Variants in ZBTB7C observed in about 807,000 individuals in gnomAD.
ZBTB7C encodes the protein zinc finger and BTB domain containing 7C, also known as zinc finger and BTB domain-containing protein 7C.
In ZBTB7C, 8 loss-of-function variants were observed where a neutral mutation model predicts 25.7. That is an observed-to-expected ratio of 0.31 (90% confidence interval 0.18 to 0.56). The LOEUF (loss-of-function observed/expected upper bound fraction) is 0.56, where lower values mean the gene tolerates loss of function less well. Ranked by LOEUF, ZBTB7C falls within the 20% of genes least tolerant of loss-of-function variation. ZBTB7C has a pLI of 0.91. For missense variants in ZBTB7C, 824 were observed against 855.2 expected, an observed-to-expected ratio of 0.96 and a Z score of 0.46; for synonymous variants, 394 against 369.0, an observed-to-expected ratio of 1.07 and a Z score of -0.78.
intron 2 of ZBTB7C, among the ~76,000 whole-genome samples, chr18:48,239,216 G>C (rs571269408): frequency 6.6e-6 from 1 of 152,218 alleles, no homozygotes; most frequent in East Asian, 1.9e-4. Context: ...TCCTCCACTT[G>C]ATGGTCTTTC....
chr18:48,052,538 G>A (rs764633493), intron 3 of ZBTB7C, among the ~76,000 whole-genome samples: 11 of 152,156 alleles, frequency 7.2e-5, no homozygotes, highest in Non-Finnish European at 1.5e-4. Context: ...TGAGTCCATT[G>A]CTGCTGGCCC....
intron 2 of ZBTB7C, among the ~76,000 whole-genome samples, chr18:48,209,590 C>CA (rs2042655707): frequency 6.6e-6 from 1 of 151,916 alleles, no homozygotes; most frequent in African/African-American, 2.4e-5. Flanking sequence ...CACATCTCTA[C>CA]AAAAAATAAA....
At position 48,238,654 on chromosome 18, in the gene ZBTB7C, A is replaced by G. The variant is rs573889617; in HGVS notation, c.-78-52659T>C. ...CTGGTCCCCAGGGAAGCCATTTCTG[A>G]CTTTATCTTACAGGGTTCCTTGGGG... On this transcript the variant is annotated intron_variant, in intron 2 of 4. Transcript: ENST00000590800. 2.0e-5 allele frequency among the ~76,000 whole-genome samples: 3 copies of G among 151,574 alleles called. No homozygotes were observed. In the East Asian group the frequency reaches 5.8e-4, roughly 29 times the overall value.
chr18:48,205,607 C>T (rs944117599), intron 2 of ZBTB7C, among the ~76,000 whole-genome samples: 2 of 151,842 alleles, frequency 1.3e-5, no homozygotes, highest in East Asian at 3.9e-4. Context: ...TTCTTTAAGT[C>T]TTATATGTTT....
chr18:48,218,108 C>T (rs1238361923), intron 2 of ZBTB7C, among the ~76,000 whole-genome samples: 1 of 152,110 alleles, frequency 6.6e-6, no homozygotes, highest in Non-Finnish European at 1.5e-5. Context: ...AAGTCAACAC[C>T]GAACACCAGG....
chr18:48,270,334 T>C lies in ZBTB7C; in HGVS notation c.-79+67840A>G, dbSNP rs376041262. The stretch of plus-strand genomic sequence containing the variant: ...GTGCAGTGGTGCGATCTCAGCTCAC[T>C]GCAACCTCTGCCTCAGCCTCCCGAG... On this transcript the variant is annotated intron_variant, in intron 2 of 4. Transcript: ENST00000590800. Among the ~76,000 whole-genome samples, 20 of 143,168 alleles carry C rather than the reference T, an allele frequency of 1.4e-4. No homozygotes were observed. The East Asian group carries it at 4.0e-3, about 29-fold the overall frequency. 93.9% of individuals were successfully genotyped at this position (143,168 alleles called of 152,430 possible).
At chr18:48,148,688 C>T (rs889523988) in intron 3 of ZBTB7C, 8 of 152,146 alleles carry the variant, frequency 5.3e-5, no homozygotes, top group African/African-American at 1.2e-4. Flanking sequence ...AATCTGGTGA[C>T]GAATTCTTGC....
chr18:48,250,454 A>G (rs2043814743), intron 2 of ZBTB7C, among the ~76,000 whole-genome samples: 3 of 152,210 alleles, frequency 2.0e-5, no homozygotes, highest in Admixed American at 2.0e-4. Context: ...TGTCAAGTGA[A>G]GGGAACACTG....
intron 2 of ZBTB7C, among the ~76,000 whole-genome samples, chr18:48,287,910 C>G (rs2045105202): frequency 6.6e-6 from 1 of 152,148 alleles, no homozygotes; most frequent in Non-Finnish European, 1.5e-5. Flanking sequence ...AATGGAACTT[C>G]CCTGACTTGA....
chr18:48,387,182 G>A (rs1393806698), intron 1 of ZBTB7C, among the ~76,000 whole-genome samples: 1 of 152,230 alleles, frequency 6.6e-6, no homozygotes, highest in African/African-American at 2.4e-5. Flanking sequence ...ATGCAAAGAT[G>A]CAGAGACAAT....
At chr18:48,155,525 C>T (rs1463681938) in intron 3 of ZBTB7C, among the ~76,000 whole-genome samples, 6 of 149,364 alleles carry the variant, frequency 4.0e-5, no homozygotes, top group East Asian at 1.9e-4. Context: ...TTAGTAGAGA[C>T]GGGGTTTCAC....
chr18:48,205,650 T>C (rs184094819), intron 2 of ZBTB7C, among the ~76,000 whole-genome samples: 2 of 152,030 alleles, frequency 1.3e-5, no homozygotes, highest in Admixed American at 1.3e-4. Flanking sequence ...TAAAAGATCA[T>C]GCAAATGCGA....
At chr18:48,369,826 CAATT>C (rs2047344040) in intron 1 of ZBTB7C, among the ~76,000 whole-genome samples, 1 of 152,098 alleles carries the variant, frequency 6.6e-6, no homozygotes, top group Non-Finnish European at 1.5e-5. Flanking sequence ...ACTCTCACAA[CAATT>C]AATAAAACAA....
At chr18:48,055,325 G>A (rs551981897) in intron 3 of ZBTB7C, among the ~76,000 whole-genome samples, 6 of 149,832 alleles carry the variant, frequency 4.0e-5, no homozygotes, top group Non-Finnish European at 5.9e-5. Context: ...CAGGAGAATC[G>A]CTGGAACCCA....
intron 2 of ZBTB7C, among the ~76,000 whole-genome samples, chr18:48,271,024 A>T (rs537063306): frequency 2.0e-5 from 3 of 152,324 alleles, no homozygotes; most frequent in South Asian, 2.1e-4. Flanking sequence ...TATATGTATA[A>T]ATGATCATAA....
At chr18:48,193,683 T>A (rs1299256056) in intron 2 of ZBTB7C, among the ~76,000 whole-genome samples, 1 of 152,182 alleles carries the variant, frequency 6.6e-6, no homozygotes, top group Non-Finnish European at 1.5e-5. Context: ...CCCAGCAGGA[T>A]GGACACTCAC....
chr18:48,171,453 G>A lies in ZBTB7C; in HGVS notation c.-17+14481C>T, dbSNP rs1341895892. 2.0e-5 allele frequency among the ~76,000 whole-genome samples: 3 copies of A among 152,334 alleles called. No homozygotes were observed. In the South Asian group the frequency reaches 6.2e-4, roughly 32 times the overall value. On this transcript the variant is annotated intron_variant, in intron 3 of 4. Coordinates refer to ENST00000590800, the MANE Select transcript of ZBTB7C (RefSeq NM_001318841.2). The stretch of plus-strand genomic sequence containing the variant: ...CTTCACTCTAGGAAGAATATCCCAG[G>A]AATCATCCATCACCAAATTCTAGGA...
chr18:48,391,089 T>C (rs1476895401), intron 1 of ZBTB7C, among the ~76,000 whole-genome samples: 2 of 152,188 alleles, frequency 1.3e-5, no homozygotes, highest in Non-Finnish European at 2.9e-5. Context: ...TAAAATGAAG[T>C]GAGTGAACTG....
Position 48,154,533 on chromosome 18 carries a change from G to T in ZBTB7C, c.-17+31401C>A, listed in dbSNP as rs561652959. ...ATCTGCCCTGTTCAATTCTTTAAGG[G>T]TTCCCTCTCCCGACTTAACAGTCCC... On this transcript the variant is annotated intron_variant, in intron 3 of 4. Coordinates refer to ENST00000590800, the MANE Select transcript of ZBTB7C (RefSeq NM_001318841.2). Among the ~76,000 whole-genome samples, 8 of 152,316 alleles carry T rather than the reference G, an allele frequency of 5.3e-5. No individual in the cohort carries two copies. In the South Asian group the frequency reaches 1.7e-3, roughly 32 times the overall value.
Sources: allele counts gnomAD v4.1 joint callset (sites outside exome capture counted in the v4.1 genomes callset), GRCh38; gene constraint gnomAD v4.1.1; transcripts MANE v1.5; gene names NCBI Gene and HGNC (gene_info 2026-07-23, HGNC 2026-07-21).